The following TSHZ2 variants were observed in gnomAD, a reference collection of about 807,000 sequenced individuals.
TSHZ2 encodes the protein teashirt homolog 2.
In TSHZ2, 21 loss-of-function variants were observed where a neutral mutation model predicts 74.4. The ratio of observed to expected loss-of-function variants is 0.28; its 90% CI spans 0.20 to 0.41. TSHZ2 has a LOEUF of 0.41. Among genes scored for constraint, TSHZ2 ranks in the 10% least tolerant of loss-of-function variants. TSHZ2 has a pLI of 1.00. For synonymous variants in TSHZ2, 540 were observed against 515.3 expected (o/e 1.05, Z -0.65); for missense variants, 1,244 against 1,293.5 (o/e 0.96, Z 0.59).
chr20:53,344,504 T>G (rs1476572532), intron 2 of TSHZ2, among the ~76,000 whole-genome samples: 1 of 152,136 alleles, frequency 6.6e-6, no homozygotes, highest in African/African-American at 2.4e-5. Flanking sequence ...AAAAACTGAT[T>G]GACTTACAGT....
intron 2 of TSHZ2, among the ~76,000 whole-genome samples, chr20:53,484,632 C>T (rs747593085): frequency 1.9e-4 from 29 of 152,022 alleles, no homozygotes; most frequent in Admixed American, 7.2e-4. Flanking sequence ...GTGATCCGCC[C>T]GCCGTTGCCT....
chr20:53,203,560 G>C (rs1989061913), intron 1 of TSHZ2, among the ~76,000 whole-genome samples: 2 of 152,068 alleles, frequency 1.3e-5, no homozygotes, highest in South Asian at 4.1e-4. Flanking sequence ...GGTGATAAAT[G>C]AGACATGAGA....
intron 1 of TSHZ2, among the ~76,000 whole-genome samples, chr20:53,009,170 T>A (rs534947476): frequency 1.4e-4 from 21 of 151,594 alleles, no homozygotes; most frequent in South Asian, 1.0e-3. Context: ...CTACAAAAAA[T>A]ATATATATAT....
At chr20:53,325,001 C>A in intron 2 of TSHZ2, among the ~76,000 whole-genome samples, 1 of 152,186 alleles carries the variant, frequency 6.6e-6, no homozygotes, top group East Asian at 1.9e-4. Context: ...ATGAATCTGG[C>A]AGAATTCCTG....
chr20:53,121,772 T>G (rs1986817171), intron 1 of TSHZ2, among the ~76,000 whole-genome samples: 2 of 152,102 alleles, frequency 1.3e-5, no homozygotes, highest in Admixed American at 6.5e-5. Context: ...GTGTGGCTTT[T>G]GTGGAAGAGA....
intron 2 of TSHZ2, among the ~76,000 whole-genome samples, chr20:53,377,369 A>T (rs1311567024): frequency 6.6e-6 from 1 of 152,212 alleles, no homozygotes; most frequent in Non-Finnish European, 1.5e-5. Flanking sequence ...ACAGTCCCCA[A>T]GCAAATCAGA....
intron 1 of TSHZ2, among the ~76,000 whole-genome samples, chr20:53,073,422 A>T (rs369518323): frequency 6.7e-6 from 1 of 150,188 alleles, no homozygotes; most frequent in Non-Finnish European, 1.5e-5. Context: ...CCATTCCTTC[A>T]TTCATCTATC....
At chr20:53,320,874 C>T (rs773795162) in intron 2 of TSHZ2, among the ~76,000 whole-genome samples, 1 of 152,240 alleles carries the variant, frequency 6.6e-6, no homozygotes, top group Admixed American at 6.5e-5. Flanking sequence ...TGTGCCTCCT[C>T]TGAGTGATGA....
At chr20:53,152,549 T>C (rs891361625) in intron 1 of TSHZ2, among the ~76,000 whole-genome samples, 1 of 152,166 alleles carries the variant, frequency 6.6e-6, no homozygotes, top group Non-Finnish European at 1.5e-5. Context: ...GGGTGGCCAA[T>C]CAGATCTTTT....
At chr20:53,185,707 A>G in intron 1 of TSHZ2, 1 of 1,536,142 alleles carries the variant, frequency 6.5e-7, no homozygotes, top group South Asian at 1.2e-5. Context: ...GCTGCTAGAA[A>G]GTCATCCCTA....
At chr20:53,354,988 A>G (rs2145593148) in intron 2 of TSHZ2, among the ~76,000 whole-genome samples, 1 of 152,272 alleles carries the variant, frequency 6.6e-6, no homozygotes, top group East Asian at 1.9e-4. Flanking sequence ...GGTTGGAAGT[A>G]TTATTTAGTC....
At chr20:53,394,662 C>T (rs1453687997) in intron 2 of TSHZ2, among the ~76,000 whole-genome samples, 1 of 150,684 alleles carries the variant, frequency 6.6e-6, no homozygotes, top group Admixed American at 6.6e-5. Context: ...CCTTAATCTC[C>T]TTTTCCTGGC....
intron 2 of TSHZ2, among the ~76,000 whole-genome samples, chr20:53,370,120 A>G (rs1194561798): frequency 6.6e-6 from 1 of 152,136 alleles, no homozygotes; most frequent in Non-Finnish European, 1.5e-5. Flanking sequence ...CCTCTGTTCC[A>G]GACATGCTGG....
chr20:53,475,206 T>A (rs896710423), intron 2 of TSHZ2, among the ~76,000 whole-genome samples: 1 of 137,042 alleles, frequency 7.3e-6, no homozygotes, highest in Non-Finnish European at 1.6e-5. Context: ...AGAATATACA[T>A]TTTTTTCAGC....
At chr20:53,165,251 A>G (rs1349038985) in intron 1 of TSHZ2, among the ~76,000 whole-genome samples, 1 of 152,254 alleles carries the variant, frequency 6.6e-6, no homozygotes, top group African/African-American at 2.4e-5. Flanking sequence ...AATCTTTGTA[A>G]CAGCCCAAAG....
At chr20:53,202,340 G>A (rs1253559055) in intron 1 of TSHZ2, among the ~76,000 whole-genome samples, 2 of 152,238 alleles carry the variant, frequency 1.3e-5, no homozygotes, top group East Asian at 1.9e-4. Flanking sequence ...GTGAGACATC[G>A]TGTTGGCTAA....
chr20:53,036,661 ATATT>A (rs1176706512), intron 1 of TSHZ2, among the ~76,000 whole-genome samples: 1 of 132,538 alleles, frequency 7.5e-6, no homozygotes, highest in African/African-American at 2.9e-5. Context: ...ATTATATATG[ATATT>A]TATAATCTGT....
At chr20:53,262,215 T>G (rs76939024) in intron 2 of TSHZ2, among the ~76,000 whole-genome samples, 1 of 135,718 alleles carries the variant, frequency 7.4e-6, no homozygotes, top group East Asian at 2.1e-4. Context: ...CATTTCTCTT[T>G]GTCTTTTTCT....
intron 2 of TSHZ2, among the ~76,000 whole-genome samples, chr20:53,309,677 G>C (rs930682059): frequency 6.6e-6 from 1 of 152,166 alleles, no homozygotes; most frequent in Non-Finnish European, 1.5e-5. Context: ...TAATATTGCT[G>C]CTTCTTCAAC....
Sources: gnomAD v4.1 joint callset for allele counts (sites outside exome capture counted in the v4.1 genomes callset) on GRCh38, gnomAD v4.1.1 for gene constraint, MANE v1.5 for transcripts, NCBI Gene and HGNC (gene_info 2026-07-23, HGNC 2026-07-21) for gene names.